Variants in DGKB observed in about 807,000 individuals in gnomAD.
The protein encoded by DGKB is diacylglycerol kinase beta, also known as 90 kDa diacylglycerol kinase.
Under a neutral mutation model 114.3 loss-of-function variants are expected in DGKB, and 67 were observed. The ratio of observed to expected loss-of-function variants is 0.59; its 90% CI spans 0.48 to 0.72. DGKB has a LOEUF of 0.72. DGKB is among the 30% of genes least tolerant of loss of function. DGKB has a pLI of 0.00. For missense variants in DGKB, 907 were observed against 975.2 expected, an observed-to-expected ratio of 0.93 and a Z score of 0.93; for synonymous variants, 398 against 323.1, an observed-to-expected ratio of 1.23 and a Z score of -2.49.
At chr7:14,773,583 A>G (rs1381931559) in intron 2 of DGKB, among the ~76,000 whole-genome samples, 9 of 152,132 alleles carry the variant, frequency 5.9e-5, no homozygotes, top group Admixed American at 5.9e-4. Context: ...GTCCAACTAA[A>G]CTGGAACAGT....
intron 13 of DGKB, among the ~76,000 whole-genome samples, chr7:14,644,761 G>C (rs113567841): frequency 0.031 from 4,787 of 152,226 alleles, 267 homozygotes; most frequent in African/African-American, 0.11. Context: ...AGAAAAGATG[G>C]GGAAAGACAT....
chr7:14,691,502 T>C (rs774140531), intron 9 of DGKB, among the ~76,000 whole-genome samples: 28 of 152,162 alleles, frequency 1.8e-4, no homozygotes, highest in Admixed American at 8.5e-4. Context: ...TAAATCTCAA[T>C]TGCTAAAAAA....
chr7:14,371,783 C>T (rs1817699227), intron 21 of DGKB, among the ~76,000 whole-genome samples: 1 of 152,008 alleles, frequency 6.6e-6, no homozygotes, highest in South Asian at 2.1e-4. Context: ...TTCTAGGATT[C>T]TTATAGTTTG....
chr7:14,284,837 A>T (rs1380002722), intron 23 of DGKB, among the ~76,000 whole-genome samples: 4 of 135,408 alleles, frequency 3.0e-5, no homozygotes, highest in African/African-American at 1.1e-4. Flanking sequence ...CAGGAAGGGG[A>T]ACATCACACT....
At chr7:14,310,958 G>A (rs58186345) in intron 23 of DGKB, among the ~76,000 whole-genome samples, 12,986 of 151,688 alleles carry the variant, frequency 0.086, 1,510 homozygotes, top group African/African-American at 0.27. Flanking sequence ...GTGAGACCTC[G>A]TCTCCACAAA....
At chr7:14,654,297 T>C (rs1815310537) in intron 13 of DGKB, among the ~76,000 whole-genome samples, 1 of 151,786 alleles carries the variant, frequency 6.6e-6, no homozygotes, top group Admixed American at 6.6e-5. Context: ...ATAGCTTAAA[T>C]AAAATAATAA....
intron 21 of DGKB, among the ~76,000 whole-genome samples, chr7:14,433,215 C>T (rs1828734781): frequency 6.6e-6 from 1 of 152,130 alleles, no homozygotes; most frequent in South Asian, 2.1e-4. Context: ...TGTCAAGAGT[C>T]ATTCCAATTC....
chr7:14,777,688 T>C (rs1225525934), intron 2 of DGKB, among the ~76,000 whole-genome samples: 1 of 152,202 alleles, frequency 6.6e-6, no homozygotes, highest in Non-Finnish European at 1.5e-5. Flanking sequence ...CTTTCCTTTA[T>C]AAATTACACA....
intron 23 of DGKB, among the ~76,000 whole-genome samples, chr7:14,277,240 G>A (rs989790987): frequency 4.0e-5 from 6 of 151,820 alleles, no homozygotes; most frequent in African/African-American, 9.7e-5. Context: ...ATGTGATCTC[G>A]GCTCACTGCA....
At chr7:14,671,332 C>A (rs999414180) in intron 13 of DGKB, among the ~76,000 whole-genome samples, 1 of 151,770 alleles carries the variant, frequency 6.6e-6, no homozygotes, top group East Asian at 1.9e-4. Context: ...TTTGGAAGGA[C>A]GAAATGCTCA....
chr7:14,360,312 G>A lies in DGKB; in HGVS notation c.1836-14921C>T, dbSNP rs184221441. Among the ~76,000 whole-genome samples the A allele has an allele frequency of 4.6e-3, 706 of 152,082 alleles. 6 individuals carry two copies. Among genetic ancestry groups the A allele is most frequent in the African/African-American group, 0.016 (661 of 41,486 alleles). On this transcript the variant is annotated intron_variant, in intron 21 of 25. Transcript: ENST00000402815. ...GGAATATCACACACTGGGGCCTGTC[G>A]TGGGGTTGGGGGCTGGGGGAGAGAT...
intron 23 of DGKB, among the ~76,000 whole-genome samples, chr7:14,305,509 G>A (rs1309551851): frequency 6.6e-6 from 1 of 152,142 alleles, no homozygotes; most frequent in Non-Finnish European, 1.5e-5. Flanking sequence ...TGATTTTAAA[G>A]ACAATGAACT....
chr7:14,832,813 A>T (rs1233062392), intron 2 of DGKB, among the ~76,000 whole-genome samples: 1 of 152,066 alleles, frequency 6.6e-6, no homozygotes, highest in Non-Finnish European at 1.5e-5. Context: ...ATCTATGCCC[A>T]TGATTTGATA....
intron 23 of DGKB, among the ~76,000 whole-genome samples, chr7:14,337,351 G>T (rs955594496): frequency 6.6e-6 from 1 of 151,314 alleles, no homozygotes; most frequent in South Asian, 2.1e-4. Context: ...TTTTTTAATT[G>T]ATTTGTTATA....
chr7:14,549,555 T>C (rs1794810340), intron 20 of DGKB, among the ~76,000 whole-genome samples: 1 of 152,198 alleles, frequency 6.6e-6, no homozygotes, highest in African/African-American at 2.4e-5. Context: ...AAATCAGAAA[T>C]TCTGGTTCAG....
intron 13 of DGKB, among the ~76,000 whole-genome samples, chr7:14,636,598 A>G (rs1320536953): frequency 1.3e-5 from 2 of 151,856 alleles, no homozygotes; most frequent in African/African-American, 4.8e-5. Flanking sequence ...TGAAAAGAGT[A>G]CAAGATACGA....
chr7:14,458,792 C>T lies in DGKB; in HGVS notation c.1835+19369G>A, dbSNP rs554336898. On this transcript the variant is annotated intron_variant, in intron 21 of 25. Transcript: ENST00000402815. ...GGCTGCCATTTGTTTGGGCAGACAA[C>T]GAGCTAGCTGCAGGATTTGTTTTCA... 3.3e-5 allele frequency among the ~76,000 whole-genome samples: 5 copies of T among 152,274 alleles called. No homozygotes were observed. In the South Asian group the frequency reaches 1.0e-3, roughly 32 times the overall value.
At chr7:14,215,512 T>C (rs138742780) in intron 23 of DGKB, among the ~76,000 whole-genome samples, 196 of 152,280 alleles carry the variant, frequency 1.3e-3, no homozygotes, top group African/African-American at 4.6e-3. Flanking sequence ...ATGGTAATAA[T>C]AGTAAAAATA....
At chr7:14,400,956 C>G (rs1052690965) in intron 21 of DGKB, among the ~76,000 whole-genome samples, 6 of 151,688 alleles carry the variant, frequency 4.0e-5, no homozygotes, top group African/African-American at 1.2e-4. Flanking sequence ...GACTGCCTCC[C>G]CACTCAATTT....
Sources: allele counts gnomAD v4.1 joint callset (sites outside exome capture counted in the v4.1 genomes callset), GRCh38; gene constraint gnomAD v4.1.1; transcripts MANE v1.5; gene names NCBI Gene and HGNC (gene_info 2026-07-23, HGNC 2026-07-21).